The following MIS18A variants were observed in gnomAD, a reference collection of about 807,000 sequenced individuals.
MIS18A encodes protein Mis18-alpha.
In MIS18A, 14 loss-of-function variants were observed where a neutral mutation model predicts 25.0. The observed-to-expected ratio is 0.56, with a 90% confidence interval of 0.37 to 0.88. MIS18A has a LOEUF of 0.88. Ranked by LOEUF, MIS18A falls within the 40% of genes least tolerant of loss-of-function variation. The pLI is 0.00. For synonymous variants in MIS18A, 134 were observed against 118.6 expected, an observed-to-expected ratio of 1.13 and a Z score of -0.84; for missense variants, 292 against 290.8, an observed-to-expected ratio of 1.00 and a Z score of -0.03.
the MIS18A span, among the ~76,000 whole-genome samples, chr21:32,256,337 A>G: frequency 6.6e-6 from 1 of 152,044 alleles, no homozygotes; most frequent in Non-Finnish European, 1.5e-5. Context: ...AAACCTGTCC[A>G]CATTTCTTTC....
the MIS18A span, among the ~76,000 whole-genome samples, chr21:32,227,052 A>G: frequency 6.6e-6 from 1 of 152,112 alleles, no homozygotes; most frequent in Non-Finnish European, 1.5e-5. Context: ...CAACATATCT[A>G]TGGGATGCAA....
At chr21:32,236,332 A>T in the MIS18A span, among the ~76,000 whole-genome samples, 1 of 152,208 alleles carries the variant, frequency 6.6e-6, no homozygotes, top group East Asian at 1.9e-4. Flanking sequence ...GCAGTGAGCT[A>T]AGATCGCACC....
chr21:32,231,399 T>C, the MIS18A span, among the ~76,000 whole-genome samples: 1 of 151,940 alleles, frequency 6.6e-6, no homozygotes, highest in Non-Finnish European at 1.5e-5. Context: ...AAATAAACCA[T>C]GAAGATAATA....
In MIS18A at chr21:32,268,840, C is replaced by G. The variant is rs183873423; in HGVS notation, c.*197G>C. The stretch of plus-strand genomic sequence containing the variant: ...TCTCACTCTGTTGCCCAGACTAGAA[C>G]ACAGTAGTGGCATGACCAAGGCTCA... On this transcript the variant is annotated 3_prime_UTR_variant, in exon 5 of 5. Coordinates refer to ENST00000290130, the MANE Select transcript of MIS18A (RefSeq NM_018944.3). The G allele has an allele frequency of 9.6e-6, 4 of 416,004 alleles. No individual in the cohort carries two copies. Among genetic ancestry groups the G allele is most frequent in the Non-Finnish European group, 1.8e-5 (4 of 227,002 alleles). 25.8% of individuals were successfully genotyped at this position (416,004 alleles called of 1,614,324 possible).
At chr21:32,217,526 G>A in the MIS18A span, among the ~76,000 whole-genome samples, 1 of 152,186 alleles carries the variant, frequency 6.6e-6, no homozygotes, top group Non-Finnish European at 1.5e-5. Flanking sequence ...GTAGTGAAGA[G>A]AGAGAAAGGA....
At chr21:32,205,574 G>A in the MIS18A span, among the ~76,000 whole-genome samples, 1 of 152,142 alleles carries the variant, frequency 6.6e-6, no homozygotes. Context: ...CTCTGTGTGT[G>A]TTTTGGGGGT....
chr21:32,255,820 C>T, the MIS18A span, among the ~76,000 whole-genome samples: 46 of 151,114 alleles, frequency 3.0e-4, no homozygotes, highest in East Asian at 7.0e-3. Flanking sequence ...AAACCTGGGA[C>T]GCAGAGCTTG....
At chr21:32,264,121 T>G (rs919666733), downstream of MIS18A, among the ~76,000 whole-genome samples, 2 of 152,164 alleles carry the variant, frequency 1.3e-5, no homozygotes, top group African/African-American at 4.8e-5. Context: ...TCATTAAAAC[T>G]CAGGTTATAA....
chr21:32,243,564 C>T, the MIS18A span, among the ~76,000 whole-genome samples: 10 of 152,170 alleles, frequency 6.6e-5, no homozygotes, highest in East Asian at 9.6e-4. Flanking sequence ...TAACAAGTGC[C>T]GGTGAGGATG....
chr21:32,155,372 A>G, the MIS18A span, among the ~76,000 whole-genome samples: 1 of 152,136 alleles, frequency 6.6e-6, no homozygotes, highest in African/African-American at 2.4e-5. Flanking sequence ...AGAGGGAGGC[A>G]GCTTGTATAG....
the MIS18A span, among the ~76,000 whole-genome samples, chr21:32,166,725 T>A: frequency 6.6e-6 from 1 of 152,178 alleles, no homozygotes; most frequent in Admixed American, 6.6e-5. Context: ...TATAGCTTTC[T>A]TAAAAAAGAA....
the MIS18A span, among the ~76,000 whole-genome samples, chr21:32,155,494 TA>T: frequency 6.6e-6 from 1 of 152,080 alleles, no homozygotes; most frequent in Non-Finnish European, 1.5e-5. Context: ...TGCTTGGAAG[TA>T]AAACAAAAAG....
chr21:32,220,198 G>A, the MIS18A span, among the ~76,000 whole-genome samples: 1 of 152,176 alleles, frequency 6.6e-6, no homozygotes, highest in African/African-American at 2.4e-5. Context: ...CCTCCCAGCA[G>A]GGGTCAACAG....
Position 32,279,049 on chromosome 21 carries a change from G to A in MIS18A, c.-35C>T, listed in dbSNP as rs547619397. 66 of 1,555,016 alleles carry A rather than the reference G, an allele frequency of 4.2e-5. No individual in the cohort carries two copies. In the Admixed American group the frequency reaches 5.9e-4, roughly 14 times the overall value. On this transcript the variant is annotated 5_prime_UTR_variant, in exon 1 of 5. Transcript: ENST00000290130. The stretch of plus-strand genomic sequence containing the variant: ...ATCGCCCGCGCCCCAGAGCGCCATG[G>A]GAAAAAAAACCGCCGCTGCTCATGC...
chr21:32,178,321 AAT>A, the MIS18A span, among the ~76,000 whole-genome samples: 1 of 152,202 alleles, frequency 6.6e-6, no homozygotes, highest in South Asian at 2.1e-4. Flanking sequence ...TCATAGAAGA[AAT>A]TAGACATTAT....
downstream of MIS18A, among the ~76,000 whole-genome samples, chr21:32,266,387 C>T (rs1428956039): frequency 2.0e-5 from 3 of 151,876 alleles, no homozygotes; most frequent in Non-Finnish European, 2.9e-5. Context: ...GCAGGCTGCC[C>T]GAGCCAGCAT....
At chr21:32,211,527 T>C in the MIS18A span, among the ~76,000 whole-genome samples, 1 of 152,236 alleles carries the variant, frequency 6.6e-6, no homozygotes, top group Non-Finnish European at 1.5e-5. Context: ...GGGAGATGGC[T>C]ATCACCTCCT....
At chr21:32,236,210 T>TA in the MIS18A span, among the ~76,000 whole-genome samples, 46 of 145,694 alleles carry the variant, frequency 3.2e-4, no homozygotes, top group Admixed American at 5.5e-4. Context: ...CCGTCTCTAC[T>TA]AAAAAAAAAA....
chr21:32,224,591 AAGG>A, the MIS18A span, among the ~76,000 whole-genome samples: 1 of 149,838 alleles, frequency 6.7e-6, no homozygotes, highest in Non-Finnish European at 1.5e-5. Flanking sequence ...GGACCTCTTC[AAGG>A]AGAACTACAA....
Sources: allele counts gnomAD v4.1 joint callset (sites outside exome capture counted in the v4.1 genomes callset), GRCh38; gene constraint gnomAD v4.1.1; transcripts MANE v1.5; gene names NCBI Gene and HGNC (gene_info 2026-07-23, HGNC 2026-07-21).